DPP6: variants seen among roughly 807,000 people sequenced by gnomAD.
The protein encoded by DPP6 is dipeptidyl peptidase like 6.
Under a neutral mutation model 122.6 loss-of-function variants are expected in DPP6, and 69 were observed. The ratio of observed to expected loss-of-function variants is 0.56; its 90% CI spans 0.46 to 0.69. The LOEUF (loss-of-function observed/expected upper bound fraction) is 0.69, where lower values mean the gene tolerates loss of function less well. Among genes scored for constraint, DPP6 ranks in the 30% least tolerant of loss-of-function variants. The pLI, the probability that DPP6 is intolerant of heterozygous loss-of-function variation, is 0.00. For missense variants in DPP6, 928 were observed against 1,116.9 expected (o/e 0.83, Z 2.41); for synonymous variants, 418 against 433.1 (o/e 0.97, Z 0.43).
chr7:154,537,512 A>G (rs1381602813), intron 3 of DPP6, among the ~76,000 whole-genome samples: 1 of 152,122 alleles, frequency 6.6e-6, no homozygotes, highest in Non-Finnish European at 1.5e-5. Flanking sequence ...AACCCAGGCA[A>G]AACCCCGTCT....
chr7:154,073,440 G>A (rs1467053980), intron 1 of DPP6, among the ~76,000 whole-genome samples: 8 of 152,200 alleles, frequency 5.3e-5, no homozygotes, highest in East Asian at 1.9e-4. Flanking sequence ...CTCCTGTTCC[G>A]CAGCCCCTGG....
At chr7:154,359,272 A>G (rs1563541396) in intron 1 of DPP6, among the ~76,000 whole-genome samples, 1 of 152,166 alleles carries the variant, frequency 6.6e-6, no homozygotes, top group Non-Finnish European at 1.5e-5. Context: ...GCATTCATTT[A>G]GTTAGTATTT....
intron 3 of DPP6, among the ~76,000 whole-genome samples, chr7:154,530,310 T>A (rs1020908790): frequency 1.3e-5 from 2 of 152,042 alleles, no homozygotes; most frequent in African/African-American, 4.8e-5. Flanking sequence ...AATTAACAGC[T>A]AAAAATGTGA....
At chr7:154,137,821 T>G (rs10279217) in intron 1 of DPP6, among the ~76,000 whole-genome samples, 114,841 of 152,078 alleles carry the variant, frequency 0.76, 43,776 homozygotes, top group Middle Eastern at 0.84. Context: ...ATGCATCAGG[T>G]GGATGGCTGT....
At chr7:154,543,576 G>A (rs985650572) in intron 4 of DPP6, among the ~76,000 whole-genome samples, 1 of 152,208 alleles carries the variant, frequency 6.6e-6, no homozygotes, top group Non-Finnish European at 1.5e-5. Flanking sequence ...TTACATGGAT[G>A]TATTTCACCT....
At chr7:154,506,578 A>G (rs916229861) in intron 3 of DPP6, among the ~76,000 whole-genome samples, 7 of 152,194 alleles carry the variant, frequency 4.6e-5, no homozygotes, top group Non-Finnish European at 1.0e-4. Flanking sequence ...TGGCTTATTT[A>G]GTATCAAATT....
intron 3 of DPP6, among the ~76,000 whole-genome samples, chr7:154,476,652 T>C (rs527372724): frequency 7.2e-5 from 11 of 152,170 alleles, no homozygotes; most frequent in Non-Finnish European, 1.5e-4. Flanking sequence ...GCTAGGAGCT[T>C]GTTAGAGAAA....
chr7:153,798,211 A>C, the DPP6 span, among the ~76,000 whole-genome samples: 1 of 152,100 alleles, frequency 6.6e-6, no homozygotes, highest in South Asian at 2.1e-4. Flanking sequence ...GTCTATACCT[A>C]ATTACTTCCC....
chr7:153,823,462 G>T, the DPP6 span, among the ~76,000 whole-genome samples: 1 of 149,134 alleles, frequency 6.7e-6, no homozygotes, highest in Non-Finnish European at 1.5e-5. Flanking sequence ...GGGGTTGCAG[G>T]TGGGTCTGGC....
At chr7:154,242,700 T>C (rs180771451) in intron 1 of DPP6, among the ~76,000 whole-genome samples, 47 of 152,176 alleles carry the variant, frequency 3.1e-4, no homozygotes, top group African/African-American at 1.1e-3. Flanking sequence ...GAGGAGGAGA[T>C]TGGAGCTGTG....
At chr7:154,302,397 A>G (rs1448226414) in intron 1 of DPP6, among the ~76,000 whole-genome samples, 1 of 152,226 alleles carries the variant, frequency 6.6e-6, no homozygotes, top group East Asian at 1.9e-4. Flanking sequence ...AAAGTCAAGT[A>G]TGTAAAAAGG....
At chr7:154,509,086 A>G (rs1455285580) in intron 3 of DPP6, among the ~76,000 whole-genome samples, 1 of 152,220 alleles carries the variant, frequency 6.6e-6, no homozygotes, top group African/African-American at 2.4e-5. Context: ...AGATTCTTAG[A>G]TATAGTACAA....
upstream of DPP6, among the ~76,000 whole-genome samples, chr7:153,884,890 G>C (rs996661311): frequency 1.3e-5 from 2 of 151,120 alleles, no homozygotes; most frequent in Admixed American, 6.6e-5. Flanking sequence ...TGAGGCAGGA[G>C]AATCACTTGA....
chr7:154,172,772 G>C (rs1797603257), intron 1 of DPP6, among the ~76,000 whole-genome samples: 1 of 151,708 alleles, frequency 6.6e-6, no homozygotes, highest in South Asian at 2.1e-4. Flanking sequence ...GCTAAATTTT[G>C]TATTTTTTTG....
the DPP6 span, among the ~76,000 whole-genome samples, chr7:153,868,618 A>AT: frequency 6.6e-6 from 1 of 151,892 alleles, no homozygotes; most frequent in South Asian, 2.1e-4. Context: ...GGATTCATTG[A>AT]TTTTTTGAAG....
At chr7:154,801,315 A>C (rs377243158) in intron 12 of DPP6, 40 bp from the exon 13 acceptor site, 2 of 1,553,950 alleles carry the variant, frequency 1.3e-6, no homozygotes, top group African/African-American at 1.4e-5. Context: ...AGAATAAATG[A>C]TGTTTTAGTT....
chr7:154,351,101 T>C (rs1810814965), intron 1 of DPP6, among the ~76,000 whole-genome samples: 1 of 152,332 alleles, frequency 6.6e-6, no homozygotes, highest in South Asian at 2.1e-4. Flanking sequence ...GCACGTGACT[T>C]CTAAGCAGCA....
At chr7:154,299,371 A>C (rs1805752637) in intron 1 of DPP6, among the ~76,000 whole-genome samples, 1 of 152,312 alleles carries the variant, frequency 6.6e-6, no homozygotes, top group Non-Finnish European at 1.5e-5. Context: ...TGGGAGCTGG[A>C]GAGTTCTAGT....
chr7:154,444,937 A>G (rs1819727750), intron 1 of DPP6, among the ~76,000 whole-genome samples: 1 of 152,204 alleles, frequency 6.6e-6, no homozygotes, highest in African/African-American at 2.4e-5. Flanking sequence ...TAAGTTATAG[A>G]TGGCAAATAT....
Sources: gnomAD v4.1 joint callset for allele counts (sites outside exome capture counted in the v4.1 genomes callset) on GRCh38, gnomAD v4.1.1 for gene constraint, MANE v1.5 for transcripts, NCBI Gene and HGNC (gene_info 2026-07-23, HGNC 2026-07-21) for gene names.